BRINP3: variants seen among roughly 807,000 people sequenced by gnomAD.
BRINP3 encodes BMP/retinoic acid inducible neural specific 3, also known as BMP/retinoic acid-inducible neural-specific protein 3.
A neutral mutation model predicts 71.0 loss-of-function variants in BRINP3; 19 were observed. The observed-to-expected ratio is 0.27, with a 90% CI of 0.19 to 0.39. BRINP3 has a LOEUF of 0.39. Among genes scored for constraint, BRINP3 ranks in the 10% least tolerant of loss-of-function variants. The pLI, the probability that BRINP3 is intolerant of heterozygous loss-of-function variation, is 1.00. For missense variants in BRINP3, 959 were observed against 940.8 expected (o/e 1.02, Z -0.25); for synonymous variants, 380 against 337.7 (o/e 1.13, Z -1.37).
At chr1:190,420,077 T>C (rs1673272402) in intron 2 of BRINP3, among the ~76,000 whole-genome samples, 1 of 151,908 alleles carries the variant, frequency 6.6e-6, no homozygotes, top group Non-Finnish European at 1.5e-5. Context: ...AAACAGATGG[T>C]TTTGCAGGTG....
chr1:190,264,820 A>C lies in BRINP3; in HGVS notation c.618+45T>G, dbSNP rs113294164. ...AAAAATGCCTTTTGGATATAGAGGA[A>C]ACAAACAATGGAAGGTGATAATTTT... On this transcript the variant is annotated intron_variant, in intron 4 of 7. Transcript: ENST00000367462. The C allele has an allele frequency of 1.8e-3, 2,738 of 1,555,570 alleles. 24 individuals carry two copies. In the African/African-American group the frequency reaches 0.026, roughly 15 times the overall value.
chr1:190,365,618 T>C (rs1185727668), intron 2 of BRINP3, among the ~76,000 whole-genome samples: 2 of 146,572 alleles, frequency 1.4e-5, no homozygotes, highest in Non-Finnish European at 3.0e-5. Context: ...TAAAATATAT[T>C]AATATATTTT....
At chr1:190,476,409 G>A (rs902552981) in intron 1 of BRINP3, among the ~76,000 whole-genome samples, 13 of 152,062 alleles carry the variant, frequency 8.5e-5, no homozygotes, top group Non-Finnish European at 1.8e-4. Context: ...AAAAATTACC[G>A]ATACATGCAG....
intron 2 of BRINP3, among the ~76,000 whole-genome samples, chr1:190,429,136 G>T (rs1673919559): frequency 6.6e-6 from 1 of 152,044 alleles, no homozygotes; most frequent in Non-Finnish European, 1.5e-5. Context: ...CAAATTTAAA[G>T]AAGCTGTCAC....
chr1:190,148,709 C>T (rs1166312568), intron 7 of BRINP3, among the ~76,000 whole-genome samples: 4 of 151,900 alleles, frequency 2.6e-5, no homozygotes, highest in South Asian at 2.1e-4. Flanking sequence ...CTGTAATAAA[C>T]TAATGCTCTT....
At chr1:190,357,942 A>G (rs2102092660) in intron 2 of BRINP3, among the ~76,000 whole-genome samples, 1 of 151,538 alleles carries the variant, frequency 6.6e-6, no homozygotes, top group South Asian at 2.1e-4. Context: ...GGTTCTGGGA[A>G]AACTGGCTAG....
chr1:190,401,376 C>CAAAAAAAAAAAAA (rs762938571), intron 2 of BRINP3, among the ~76,000 whole-genome samples: 3 of 89,362 alleles, frequency 3.4e-5, no homozygotes, highest in Non-Finnish European at 5.9e-5. Flanking sequence ...CATCTCAAAA[C>CAAAAAAAAAAAAA]AAAAAAAAAA....
intron 2 of BRINP3, among the ~76,000 whole-genome samples, chr1:190,371,839 A>T (rs1170913665): frequency 3.3e-5 from 5 of 152,132 alleles, no homozygotes. Flanking sequence ...GCTCCTGAAG[A>T]CATTCAGAGA....
chr1:190,124,198 G>A (rs950064556), intron 7 of BRINP3, among the ~76,000 whole-genome samples: 1 of 152,064 alleles, frequency 6.6e-6, no homozygotes, highest in African/African-American at 2.4e-5. Context: ...TGAGAAAGTG[G>A]GTTTGCTTTG....
chr1:190,330,006 A>T (rs953542165), intron 2 of BRINP3, among the ~76,000 whole-genome samples: 2 of 152,034 alleles, frequency 1.3e-5, no homozygotes, highest in Admixed American at 6.6e-5. Context: ...AAAAATTAAA[A>T]TATAAGATCT....
intron 2 of BRINP3, among the ~76,000 whole-genome samples, chr1:190,401,095 C>T (rs1671887717): frequency 6.6e-6 from 1 of 151,960 alleles, no homozygotes; most frequent in South Asian, 2.1e-4. Flanking sequence ...AGTGGCTCAC[C>T]CCTGTAATCC....
chr1:190,173,108 A>G (rs759005555), intron 6 of BRINP3, among the ~76,000 whole-genome samples: 9 of 152,038 alleles, frequency 5.9e-5, no homozygotes, highest in Non-Finnish European at 1.0e-4. Flanking sequence ...TGGTTATTTT[A>G]TTTTCCTGTT....
intron 7 of BRINP3, among the ~76,000 whole-genome samples, chr1:190,129,123 T>C (rs981105706): frequency 2.6e-4 from 39 of 151,820 alleles, no homozygotes; most frequent in Middle Eastern, 3.2e-3. Flanking sequence ...ATATTTGATA[T>C]CATCTGATAA....
At chr1:190,204,942 A>C (rs1655362952) in intron 6 of BRINP3, among the ~76,000 whole-genome samples, 1 of 151,844 alleles carries the variant, frequency 6.6e-6, no homozygotes, top group African/African-American at 2.4e-5. Flanking sequence ...GAAGAAGAAT[A>C]AATTTCCTCT....
At chr1:190,125,403 C>T (rs907479674) in intron 7 of BRINP3, among the ~76,000 whole-genome samples, 3 of 150,878 alleles carry the variant, frequency 2.0e-5, no homozygotes, top group African/African-American at 7.3e-5. Context: ...ATATATCTTT[C>T]TTCTCTTTTA....
At chr1:190,133,569 A>T (rs1051422894) in intron 7 of BRINP3, among the ~76,000 whole-genome samples, 2 of 152,086 alleles carry the variant, frequency 1.3e-5, no homozygotes, top group Non-Finnish European at 2.9e-5. Flanking sequence ...GCAGGCTAAA[A>T]ATATATATAT....
rs1670833967 is a variant in BRINP3 at position 190,385,520 on chromosome 1, A to G, written c.236+69135T>C. Among the ~76,000 whole-genome samples, 4 of 151,960 alleles carry G rather than the reference A, an allele frequency of 2.6e-5. No homozygotes were observed. In the South Asian group the frequency reaches 6.2e-4, roughly 24 times the overall value. On this transcript the variant is annotated intron_variant, in intron 2 of 7. Transcript: ENST00000367462. ...GGCCATCAGAGAAATGCAAATCAAA[A>G]CCACAATGAGATACCATCTCACACC...
chr1:190,101,249 TC>T (rs1269208129), intron 7 of BRINP3, among the ~76,000 whole-genome samples: 1 of 152,174 alleles, frequency 6.6e-6, no homozygotes, highest in Non-Finnish European at 1.5e-5. Context: ...TCAAAAATTC[TC>T]CCAAAAGTAT....
intron 2 of BRINP3, among the ~76,000 whole-genome samples, chr1:190,333,789 C>A (rs1667113595): frequency 6.6e-6 from 1 of 151,850 alleles, no homozygotes; most frequent in Admixed American, 6.6e-5. Flanking sequence ...TGTAACAGAG[C>A]CCAATCTATA....
Sources: gnomAD v4.1 joint callset for allele counts (sites outside exome capture counted in the v4.1 genomes callset) on GRCh38, gnomAD v4.1.1 for gene constraint, MANE v1.5 for transcripts, NCBI Gene and HGNC (gene_info 2026-07-23, HGNC 2026-07-21) for gene names.